Variants in GRID2 observed in about 807,000 individuals in gnomAD.
GRID2 encodes the protein glutamate ionotropic receptor delta type subunit 2.
Under a neutral mutation model 114.8 loss-of-function variants are expected in GRID2, and 33 were observed. The ratio of observed to expected loss-of-function variants is 0.29; its 90% CI spans 0.22 to 0.38. The LOEUF (loss-of-function observed/expected upper bound fraction) is 0.38, where lower values mean the gene tolerates loss of function less well. GRID2 is among the 10% of genes least tolerant of loss of function. The probability of loss-of-function intolerance (pLI) is 1.00; values close to 1 mark genes in which losing one functional copy is unlikely to be tolerated. For missense variants in GRID2, 1,184 were observed against 1,257.7 expected (o/e 0.94, Z 0.89); for synonymous variants, 505 against 449.9 (o/e 1.12, Z -1.55).
intron 2 of GRID2, among the ~76,000 whole-genome samples, chr4:92,692,109 T>C (rs771237048): frequency 6.6e-6 from 1 of 152,172 alleles, no homozygotes; most frequent in Non-Finnish European, 1.5e-5. Flanking sequence ...ACCAACATTT[T>C]TGAAGCAAAA....
At chr4:92,702,647 T>C (rs996556683) in intron 2 of GRID2, 1 of 151,898 alleles carries the variant, frequency 6.6e-6, no homozygotes, top group African/African-American at 2.4e-5. Context: ...CAGCCTCCTA[T>C]TTATTCATAG....
At chr4:93,409,242 G>C (rs1370170608) in intron 9 of GRID2, among the ~76,000 whole-genome samples, 2 of 152,126 alleles carry the variant, frequency 1.3e-5, no homozygotes, top group Non-Finnish European at 2.9e-5. Context: ...TCAATAATGA[G>C]TCGTTTCCTG....
intron 2 of GRID2, among the ~76,000 whole-genome samples, chr4:92,947,387 C>T (rs927531241): frequency 6.6e-6 from 1 of 151,854 alleles, no homozygotes; most frequent in Non-Finnish European, 1.5e-5. Flanking sequence ...CTTCCCTAAG[C>T]AATCACAAAG....
rs1306360908 is a variant in GRID2 at position 92,792,556 on chromosome 4, T to A, written c.244+202270T>A. Among the ~76,000 whole-genome samples, 3 of 151,374 alleles carry A rather than the reference T, an allele frequency of 2.0e-5. No homozygotes were observed. The East Asian group carries it at 5.9e-4, about 30-fold the overall frequency. ...TTAGCTTTTGTCCCCCAAAGTTGAA[T>A]AACATAATTTTTGGGAAGAGGAAGA... On this transcript the variant is annotated intron_variant, in intron 2 of 15. Transcript: ENST00000282020.
At chr4:92,538,347 G>C (rs1172575165) in intron 1 of GRID2, among the ~76,000 whole-genome samples, 1 of 152,154 alleles carries the variant, frequency 6.6e-6, no homozygotes, top group East Asian at 1.9e-4. Context: ...GATAAATGTA[G>C]ATTCTAAATT....
intron 14 of GRID2, among the ~76,000 whole-genome samples, chr4:93,730,733 G>A (rs1471042230): frequency 1.3e-5 from 2 of 152,224 alleles, no homozygotes; most frequent in African/African-American, 4.8e-5. Flanking sequence ...AAAGTACTGA[G>A]TACTGAGTCA....
intron 1 of GRID2, among the ~76,000 whole-genome samples, chr4:92,526,167 A>C (rs1448404532): frequency 6.6e-6 from 1 of 151,938 alleles, no homozygotes; most frequent in African/African-American, 2.4e-5. Context: ...GGATGGAAGG[A>C]AAGAAGGAAG....
At chr4:92,362,681 A>G (rs1728674202) in intron 1 of GRID2, among the ~76,000 whole-genome samples, 1 of 152,052 alleles carries the variant, frequency 6.6e-6, no homozygotes, top group African/African-American at 2.4e-5. Flanking sequence ...AAATATTTTC[A>G]GAAGTTAAAA....
At chr4:92,941,172 A>T (rs1751094588) in intron 2 of GRID2, among the ~76,000 whole-genome samples, 1 of 152,166 alleles carries the variant, frequency 6.6e-6, no homozygotes, top group African/African-American at 2.4e-5. Context: ...CCTCTGGTAG[A>T]ATTCGGCTGT....
intron 1 of GRID2, among the ~76,000 whole-genome samples, chr4:92,511,010 C>A (rs1724218667): frequency 6.6e-6 from 1 of 151,762 alleles, no homozygotes; most frequent in South Asian, 2.1e-4. Context: ...GAGAGTTTGG[C>A]TTACCATAAG....
At chr4:92,808,547 A>G (rs1241689513) in intron 2 of GRID2, among the ~76,000 whole-genome samples, 6 of 152,084 alleles carry the variant, frequency 3.9e-5, no homozygotes, top group African/African-American at 1.2e-4. Context: ...GGTAACTTCC[A>G]TTTCGGAAGA....
chr4:93,541,380 G>A (rs1358374756), intron 13 of GRID2, among the ~76,000 whole-genome samples: 1 of 151,992 alleles, frequency 6.6e-6, no homozygotes, highest in African/African-American at 2.4e-5. Flanking sequence ...ACACTTTTAG[G>A]GTACAAGTGT....
chr4:92,564,533 G>T (rs1384142519), intron 1 of GRID2, among the ~76,000 whole-genome samples: 1 of 151,964 alleles, frequency 6.6e-6, no homozygotes, highest in Non-Finnish European at 1.5e-5. Flanking sequence ...CTTTTTAAAT[G>T]AAATTGAAGA....
intron 2 of GRID2, among the ~76,000 whole-genome samples, chr4:92,664,986 CT>C (rs201290131): frequency 0.078 from 9,961 of 127,392 alleles, 350 homozygotes; most frequent in East Asian, 0.19. Context: ...CTCTGCCATT[CT>C]TTTTTTTTTT....
At chr4:92,582,157 T>A (rs961978545) in intron 1 of GRID2, among the ~76,000 whole-genome samples, 1 of 151,986 alleles carries the variant, frequency 6.6e-6, no homozygotes, top group African/African-American at 2.4e-5. Context: ...AAGTAAATTA[T>A]CAATGTTCCT....
intron 8 of GRID2, among the ~76,000 whole-genome samples, chr4:93,262,835 A>T (rs1750396589): frequency 6.6e-6 from 1 of 151,738 alleles, no homozygotes; most frequent in African/African-American, 2.4e-5. Context: ...TCTAAAAAAA[A>T]TGAAATCGCT....
intron 2 of GRID2, among the ~76,000 whole-genome samples, chr4:92,736,164 G>GT (rs1420644352): frequency 6.6e-6 from 1 of 152,082 alleles, no homozygotes; most frequent in East Asian, 1.9e-4. Flanking sequence ...AAATAGAAAG[G>GT]TAAGAGCATC....
chr4:92,370,171 GGTGATCTGTGATCA>G (rs1233588870), intron 1 of GRID2, among the ~76,000 whole-genome samples: 2 of 151,824 alleles, frequency 1.3e-5, no homozygotes, highest in South Asian at 2.1e-4. Context: ...TATCTGTTAT[GGTGATCTGTGATCA>G]GTGATCTGTG....
intron 13 of GRID2, among the ~76,000 whole-genome samples, chr4:93,542,170 T>C (rs1247179261): frequency 2.0e-5 from 3 of 152,166 alleles, no homozygotes; most frequent in Non-Finnish European, 2.9e-5. Context: ...GTGTGGGCAG[T>C]AGACAATCTT....
Sources: allele counts gnomAD v4.1 joint callset (sites outside exome capture counted in the v4.1 genomes callset), GRCh38; gene constraint gnomAD v4.1.1; transcripts MANE v1.5; gene names NCBI Gene and HGNC (gene_info 2026-07-23, HGNC 2026-07-21).